Variants in CHM observed in about 807,000 individuals in gnomAD.
The protein encoded by CHM is rab proteins geranylgeranyltransferase component A 1.
CHM carries 10 observed loss-of-function variants against 49.0 expected under a neutral mutation model. The ratio of observed to expected loss-of-function variants is 0.20; its 90% CI spans 0.13 to 0.35. The LOEUF is 0.35. CHM is among the 10% of genes least tolerant of loss of function. The pLI, the probability that CHM is intolerant of heterozygous loss-of-function variation, is 1.00. For synonymous variants in CHM, 184 were observed against 167.5 expected (o/e 1.10, Z -0.76); for missense variants, 455 against 478.4 (o/e 0.95, Z 0.46).
intron 8 of CHM, among the ~76,000 whole-genome samples, chrX:85,944,977 G>T (rs1035288018): frequency 7.2e-5 from 8 of 111,887 alleles, no homozygotes; most frequent in Admixed American, 1.9e-4. Flanking sequence ...CATGTCCTTT[G>T]CAGGAACATG....
intron 2 of CHM, among the ~76,000 whole-genome samples, chrX:86,001,558 G>C (rs1342031641): frequency 9.0e-6 from 1 of 111,062 alleles, no homozygotes; most frequent in East Asian, 2.8e-4. Context: ...AGGGAAAGCA[G>C]GCACCATGCA....
chrX:85,959,413 G>A (rs1009983255), intron 5 of CHM, among the ~76,000 whole-genome samples: 1 of 110,522 alleles, frequency 9.0e-6, no homozygotes, highest in Non-Finnish European at 1.9e-5. Context: ...GAATACACCA[G>A]GCCCTGAGGG....
intron 2 of CHM, among the ~76,000 whole-genome samples, chrX:86,016,687 G>T (rs1360166637): frequency 8.9e-6 from 1 of 112,507 alleles, no homozygotes; most frequent in South Asian, 3.7e-4. Flanking sequence ...CAGGGGCGGG[G>T]TGCTCATGGA....
At chrX:86,039,969 T>A (rs1389244059) in intron 1 of CHM, among the ~76,000 whole-genome samples, 1 of 111,564 alleles carries the variant, frequency 9.0e-6, no homozygotes, top group Non-Finnish European at 1.9e-5. Flanking sequence ...AGCAATAAGA[T>A]CCCCTACATT....
intron 8 of CHM, 65 bp from the exon 9 acceptor site, chrX:85,911,403 T>C (rs1927021194): frequency 3.7e-6 from 2 of 533,948 alleles, no homozygotes; most frequent in South Asian, 4.9e-5. Flanking sequence ...AAAAGTATTT[T>C]CTTTTAAGTA....
In CHM at chrX:85,949,978, A is replaced by AATATATATATATATATATATATATAT. The variant is rs200318878; in HGVS notation, c.1166+6149_1166+6174dup. Among the ~76,000 whole-genome samples the AATATATATATATATATATATATATAT allele has an allele frequency of 3.8e-3, 162 of 42,655 alleles. 5 individuals are homozygous for AATATATATATATATATATATATATAT. Among genetic ancestry groups the AATATATATATATATATATATATATAT allele is most frequent in the East Asian group, 6.2e-3 (8 of 1,286 alleles). The allele number at this position is 42,655 out of a possible 115,157, so 37.0% of individuals were successfully genotyped here. On this transcript the variant is annotated intron_variant, in intron 8 of 14. Transcript: ENST00000357749. Reference sequence around the variant, plus strand: ...CTTTGAGCAATAAACACTGAAATTAAATATATATATATATATATATATATA... The same window carrying AATATATATATATATATATATATATAT: ...CTTTGAGCAATAAACACTGAAATTAAATATATATATATATATATATATATATATATATATATATATATATATATATA...
chrX:85,930,437 G>A (rs1363325586), intron 8 of CHM, among the ~76,000 whole-genome samples: 1 of 111,965 alleles, frequency 8.9e-6, no homozygotes, highest in Non-Finnish European at 1.9e-5. Flanking sequence ...CAAGGTCAAA[G>A]TTCCTATTTA....
chrX:86,013,628 G>A (rs1208246202), intron 2 of CHM, among the ~76,000 whole-genome samples: 1 of 109,211 alleles, frequency 9.2e-6, no homozygotes, highest in Non-Finnish European at 1.9e-5. Context: ...CCAGCTACTC[G>A]GGAGGCTGAG....
intron 8 of CHM, among the ~76,000 whole-genome samples, chrX:85,951,833 T>C (rs1248089657): frequency 8.9e-6 from 1 of 112,468 alleles, no homozygotes; most frequent in Non-Finnish European, 1.9e-5. Flanking sequence ...AAGACAGTCT[T>C]GAATGGTCAA....
chrX:85,938,211 A>AC (rs1322478098), intron 8 of CHM, among the ~76,000 whole-genome samples: 1 of 110,555 alleles, frequency 9.0e-6, no homozygotes, highest in Non-Finnish European at 1.9e-5. Context: ...TTATCTCACC[A>AC]CCCCCTTCTG....
At chrX:85,962,628 T>C (rs1930352785) in intron 5 of CHM, among the ~76,000 whole-genome samples, 1 of 111,692 alleles carries the variant, frequency 9.0e-6, no homozygotes, top group African/African-American at 3.3e-5. Context: ...CTGTGGCAAG[T>C]CTTGTGCTAT....
intron 8 of CHM, among the ~76,000 whole-genome samples, chrX:85,932,110 T>C (rs971190900): frequency 1.8e-5 from 2 of 112,204 alleles, no homozygotes; most frequent in Admixed American, 1.9e-4. Flanking sequence ...ATGTCACCCA[T>C]AGCTCCTTTG....
At chrX:85,929,793 G>A (rs1334060439) in intron 8 of CHM, among the ~76,000 whole-genome samples, 1 of 111,616 alleles carries the variant, frequency 9.0e-6, no homozygotes, top group African/African-American at 3.3e-5. Flanking sequence ...ATTAGTTTTA[G>A]GTCTTTGGTA....
chrX:85,870,676 A>G (rs1438968789), intron 14 of CHM, among the ~76,000 whole-genome samples: 1 of 112,128 alleles, frequency 8.9e-6, no homozygotes, highest in African/African-American at 3.2e-5. Context: ...ATGGTACACA[A>G]CATCTACCAA....
intron 6 of CHM, among the ~76,000 whole-genome samples, chrX:85,958,418 C>G (rs1183592772): frequency 9.0e-6 from 1 of 111,718 alleles, no homozygotes; most frequent in African/African-American, 3.3e-5. Context: ...CAAAGCTCTG[C>G]TCTTCTGGAA....
chrX:86,039,830 C>T (rs906511123), intron 1 of CHM, among the ~76,000 whole-genome samples: 1 of 111,429 alleles, frequency 9.0e-6, no homozygotes, highest in Non-Finnish European at 1.9e-5. Flanking sequence ...AGAGAAGTGG[C>T]TCGACTTCAG....
At chrX:85,909,169 A>C (rs1169822344) in intron 9 of CHM, among the ~76,000 whole-genome samples, 1 of 111,757 alleles carries the variant, frequency 8.9e-6, no homozygotes, top group Non-Finnish European at 1.9e-5. Context: ...CTCATGCCTT[A>C]GAAGTTACAA....
At chrX:85,923,974 G>A (rs189339525) in intron 8 of CHM, among the ~76,000 whole-genome samples, 1 of 111,540 alleles carries the variant, frequency 9.0e-6, no homozygotes, top group Non-Finnish European at 1.9e-5. Context: ...AAGGGAGATG[G>A]ATCACAGTGA....
intron 12 of CHM, among the ~76,000 whole-genome samples, chrX:85,884,707 A>G (rs1261805959): frequency 9.0e-6 from 1 of 111,398 alleles, no homozygotes; most frequent in Non-Finnish European, 1.9e-5. Flanking sequence ...CATCTATGAA[A>G]AGTCATTAAA....
Sources: gnomAD v4.1 joint callset for allele counts (sites outside exome capture counted in the v4.1 genomes callset) on GRCh38, gnomAD v4.1.1 for gene constraint, MANE v1.5 for transcripts, NCBI Gene and HGNC (gene_info 2026-07-23, HGNC 2026-07-21) for gene names.